XPR1: variants seen among roughly 807,000 people sequenced by gnomAD.
The protein encoded by XPR1 is solute carrier family 53 member 1.
Under a neutral mutation model 87.5 loss-of-function variants are expected in XPR1, and 28 were observed. The ratio of observed to expected loss-of-function variants is 0.32; its 90% CI spans 0.24 to 0.44. The LOEUF (loss-of-function observed/expected upper bound fraction) is 0.44, where lower values mean the gene tolerates loss of function less well. XPR1 is among the 20% of genes least tolerant of loss of function. The probability of loss-of-function intolerance (pLI) is 1.00; values close to 1 mark genes in which losing one functional copy is unlikely to be tolerated. For missense variants in XPR1, 559 were observed against 862.3 expected (o/e 0.65, Z 4.41); for synonymous variants, 300 against 306.1 (o/e 0.98, Z 0.21).
At chr1:180,632,384 C>T (rs1041508947) in intron 1 of XPR1, 114 bp downstream of exon 1, 31 of 1,379,904 alleles carry the variant, frequency 2.2e-5, no homozygotes, top group Non-Finnish European at 3.0e-5. Context: ...CAGACTTTGA[C>T]CCGCTGCCGC....
chr1:180,761,122 G>A (rs987642330), intron 2 of XPR1, among the ~76,000 whole-genome samples: 3 of 151,980 alleles, frequency 2.0e-5, no homozygotes, highest in African/African-American at 7.3e-5. Context: ...AATTCAAGAT[G>A]GATTAAAGAT....
At chr1:180,692,512 T>C (rs1171225078) in intron 2 of XPR1, among the ~76,000 whole-genome samples, 2 of 152,168 alleles carry the variant, frequency 1.3e-5, no homozygotes, top group Non-Finnish European at 2.9e-5. Context: ...TTCTGAAGGG[T>C]GTGCCTTATT....
At position 180,806,501 on chromosome 1, in the gene XPR1, G is replaced by A. The variant is rs745492276; in HGVS notation, c.625G>A (p.Gly209Ser). The change falls in exon 6 of 15, where the codon GGT (glycine) becomes AGT (serine). Residue 209 changes from glycine to serine, a missense_variant. By Grantham distance (56) the Gly-to-Ser change is moderately conservative. Transcript: ENST00000367590. ...EAVVTNELEDGDRQKAMKRLR... is the reference protein window; with the variant it reads ...EAVVTNELEDSDRQKAMKRLR... The stretch of plus-strand genomic sequence containing the variant: ...TGTAGTGACCAATGAACTTGAAGAT[G>A]GTGACAGACAAAAGGCTATGAAGCG... 5 of 1,613,170 alleles carry A rather than the reference G, an allele frequency of 3.1e-6. No homozygotes were observed. The highest frequency in any genetic ancestry group is 4.2e-6 in the Non-Finnish European group (5 of 1,179,414).
At chr1:180,641,422 T>A (rs1654957485) in intron 1 of XPR1, among the ~76,000 whole-genome samples, 1 of 152,186 alleles carries the variant, frequency 6.6e-6, no homozygotes, top group Non-Finnish European at 1.5e-5. Flanking sequence ...GAAAATGGCT[T>A]TGTTGATTTT....
chr1:180,775,965 C>T (rs1234091110), intron 2 of XPR1, among the ~76,000 whole-genome samples: 1 of 152,136 alleles, frequency 6.6e-6, no homozygotes, highest in Non-Finnish European at 1.5e-5. Context: ...ATTGCCTTTC[C>T]TTGACTTTAT....
intron 2 of XPR1, among the ~76,000 whole-genome samples, chr1:180,773,614 T>C (rs927220133): frequency 2.0e-5 from 3 of 152,216 alleles, no homozygotes; most frequent in Non-Finnish European, 4.4e-5. Flanking sequence ...TAACATTTTC[T>C]TTGAAGGAGA....
intron 11 of XPR1, among the ~76,000 whole-genome samples, chr1:180,846,450 T>TTTA (rs1553253461): frequency 7.2e-5 from 4 of 55,566 alleles, no homozygotes; most frequent in African/African-American, 3.0e-4. Flanking sequence ...TATTTATTTA[T>TTTA]TTTTTTTTTG....
At chr1:180,766,002 A>AT (rs1648268856) in intron 2 of XPR1, among the ~76,000 whole-genome samples, 1 of 152,130 alleles carries the variant, frequency 6.6e-6, no homozygotes, top group Non-Finnish European at 1.5e-5. Context: ...AGACACCGAG[A>AT]TATATAGAGT....
chr1:180,758,964 A>G (rs1315183256), intron 2 of XPR1: 1 of 152,236 alleles, frequency 6.6e-6, no homozygotes, highest in Non-Finnish European at 1.5e-5. Flanking sequence ...TAAGAAACTC[A>G]CTCAAAACTG....
intron 2 of XPR1, among the ~76,000 whole-genome samples, chr1:180,759,409 G>A (rs563170226): frequency 1.7e-4 from 26 of 152,024 alleles, no homozygotes; most frequent in African/African-American, 4.6e-4. Context: ...TCAGATAGGC[G>A]CAATAAAAAA....
intron 2 of XPR1, among the ~76,000 whole-genome samples, chr1:180,766,034 A>G (rs115408409): frequency 0.011 from 1,707 of 152,262 alleles, 24 homozygotes; most frequent in African/African-American, 0.039. Flanking sequence ...TGGTCTTATA[A>G]GTTATCATTA....
chr1:180,703,463 C>T (rs187541785), intron 2 of XPR1, among the ~76,000 whole-genome samples: 1 of 152,054 alleles, frequency 6.6e-6, no homozygotes, highest in Non-Finnish European at 1.5e-5. Context: ...AGATGATGTG[C>T]GCAGGTGTTG....
At chr1:180,749,207 T>C (rs1647417695) in intron 2 of XPR1, among the ~76,000 whole-genome samples, 1 of 152,134 alleles carries the variant, frequency 6.6e-6, no homozygotes. Flanking sequence ...TCTAAAAAAA[T>C]AGAAGAAAAG....
chr1:180,636,127 T>C (rs1654749734), intron 1 of XPR1, among the ~76,000 whole-genome samples: 1 of 152,214 alleles, frequency 6.6e-6, no homozygotes, highest in Non-Finnish European at 1.5e-5. Flanking sequence ...TATTCAGGTA[T>C]AAGGAGACAT....
intron 2 of XPR1, among the ~76,000 whole-genome samples, chr1:180,714,881 A>T (rs1657935740): frequency 6.6e-6 from 1 of 152,066 alleles, no homozygotes; most frequent in African/African-American, 2.4e-5. Context: ...GCTGATATAC[A>T]GTAGTATGCT....
intron 2 of XPR1, among the ~76,000 whole-genome samples, chr1:180,733,091 A>G (rs1162146469): frequency 6.6e-6 from 1 of 151,910 alleles, no homozygotes; most frequent in East Asian, 1.9e-4. Context: ...GTGTTCCTTC[A>G]CTGATGTGCT....
intron 1 of XPR1, among the ~76,000 whole-genome samples, chr1:180,636,991 G>T (rs991525882): frequency 7.0e-6 from 1 of 143,846 alleles, no homozygotes; most frequent in African/African-American, 2.6e-5. Context: ...GGCGGAGGTT[G>T]CAGTGAGCTG....
chr1:180,710,170 G>T (rs1047372211), intron 2 of XPR1, among the ~76,000 whole-genome samples: 3 of 150,418 alleles, frequency 2.0e-5, no homozygotes, highest in Non-Finnish European at 3.0e-5. Context: ...GGGATTACAG[G>T]TGTGAGCCAC....
At chr1:180,735,119 CT>C (rs1260292636) in intron 2 of XPR1, among the ~76,000 whole-genome samples, 2 of 152,176 alleles carry the variant, frequency 1.3e-5, no homozygotes, top group East Asian at 1.9e-4. Flanking sequence ...CAGAAACACA[CT>C]TTGTTTCAGA....
Sources: gnomAD v4.1 joint callset for allele counts (sites outside exome capture counted in the v4.1 genomes callset) on GRCh38, gnomAD v4.1.1 for gene constraint, MANE v1.5 for transcripts, NCBI Gene and HGNC (gene_info 2026-07-23, HGNC 2026-07-21) for gene names.